The following HLA-DQB1 variants were observed in gnomAD, a reference collection of about 807,000 sequenced individuals.
The protein encoded by HLA-DQB1 is major histocompatibility complex, class II, DQ beta 1.
In HLA-DQB1, 13 loss-of-function variants were observed where a neutral mutation model predicts 26.4. The observed-to-expected ratio is 0.49, with a 90% confidence interval of 0.32 to 0.78. HLA-DQB1 has a LOEUF of 0.78. Among genes scored for constraint, HLA-DQB1 ranks in the 30% least tolerant of loss-of-function variants. HLA-DQB1 has a pLI of 0.03. For synonymous variants in HLA-DQB1, 60 were observed against 129.1 expected, an observed-to-expected ratio of 0.46 and a Z score of 3.63; for missense variants, 158 against 326.2, an observed-to-expected ratio of 0.48 and a Z score of 3.97.
chr6:32,662,151 G>A (rs281864116), exon 3 of HLA-DQB1: 2 of 1,436,346 alleles, frequency 1.4e-6, no homozygotes, highest in Admixed American at 2.1e-5. Flanking sequence ...ACCGGACTTT[G>A]ATCTGGCCTG....
At chr6:32,666,193 C>A (rs35567463) in intron 1 of HLA-DQB1, among the ~76,000 whole-genome samples, 26,698 of 150,024 alleles carry the variant, frequency 0.18, 2,564 homozygotes, top group South Asian at 0.22. Flanking sequence ...TGGAGAAATT[C>A]ATATCTTCAA....
exon 3 of HLA-DQB1, chr6:32,662,112 G>A (rs1049087): frequency 0.34 from 460,278 of 1,341,716 alleles, 117,541 homozygotes; most frequent in South Asian, 0.49. Context: ...ACACAACGCC[G>A]GCTGTCTCCT....
chr6:32,660,586 A>AAG (rs1321318532), intron 4 of HLA-DQB1: 10,849 of 384,634 alleles, frequency 0.028, 1,616 homozygotes, highest in East Asian at 0.2. Flanking sequence ...AGCCACCATC[A>AAG]TGTGGCACAA....
rs75769070 is a variant in HLA-DQB1 at position 32,664,980 on chromosome 6, C to G, written c.197G>C (p.Arg66Pro). The G allele has an allele frequency of 2.3e-5, 31 of 1,338,688 alleles. 3 individuals are homozygous for G. Among genetic ancestry groups the G allele is most frequent in the Non-Finnish European group, 3.1e-5 (29 of 949,252 alleles). 82.9% of individuals were successfully genotyped at this position (1,338,688 alleles called of 1,614,324 possible). ...GCTGTCGAAGCGCGCGTACTCCTCTCGGTTATAGATGTATCTGGTCACAAG... is the reference window on the plus strand; with the variant it reads ...GCTGTCGAAGCGCGCGTACTCCTCTGGGTTATAGATGTATCTGGTCACAAG... The change falls in exon 2 of 5, where the codon CGA (arginine) becomes CCA (proline). Residue 66 changes from arginine (R) to proline (P), a missense_variant. Arg to Pro is a moderately radical substitution (Grantham distance 103). Transcript: ENST00000434651.
At position 32,665,076 on chromosome 6, in the gene HLA-DQB1, A is replaced by AATC; in HGVS notation, c.110-12_110-10dup. 7.6e-7 allele frequency: 1 copy of AATC among 1,311,148 alleles called. No homozygotes were observed. Among genetic ancestry groups the AATC allele is most frequent in the Non-Finnish European group, 1.1e-6 (1 of 948,374 alleles). 81.2% of individuals were successfully genotyped at this position (1,311,148 alleles called of 1,614,324 possible). A position where few individuals can be genotyped will look rare whatever the true frequency, so the allele number is the denominator to read the frequency against. Reference sequence around the variant, plus strand: ...CTGGAACACGAAATCCTCTGCGGGGAATCACCGGCCGGTCAGTCAGGCCCC... The same window carrying AATC: ...CTGGAACACGAAATCCTCTGCGGGGAATCATCACCGGCCGGTCAGTCAGGCCCC... On this transcript the variant is annotated splice_polypyrimidine_tract_variant and intron_variant, in intron 1 of 4. Transcript: ENST00000434651.
intron 1 of HLA-DQB1, among the ~76,000 whole-genome samples, chr6:32,665,382 T>C (rs28746809): frequency 0.045 from 5,614 of 125,690 alleles, 470 homozygotes; most frequent in East Asian, 0.098. Context: ...GATCAGGGCG[T>C]TCTCGCATGA....
intron 1 of HLA-DQB1, among the ~76,000 whole-genome samples, chr6:32,666,230 A>G (rs3830059): frequency 0.19 from 28,227 of 145,954 alleles, 3,039 homozygotes; most frequent in East Asian, 0.34. Flanking sequence ...ACTTTGTCCT[A>G]TCGCTGGTAG....
At chr6:32,661,617 C>A (rs9273748) in intron 3 of HLA-DQB1, 160 bp from the exon 4 acceptor site, 50,360 of 463,928 alleles carry the variant, frequency 0.11, 10,596 homozygotes, top group Admixed American at 0.14. Flanking sequence ...GCCAATAGGT[C>A]CTTGGATACA....
chr6:32,661,001 G>T, intron 4 of HLA-DQB1: 1 of 629,672 alleles, frequency 1.6e-6, no homozygotes, highest in Non-Finnish European at 2.8e-6. Context: ...TGTTCTTCCA[G>T]GCCTTCAGCA....
At chr6:32,661,582 C>A in intron 3 of HLA-DQB1, 125 bp from the exon 4 acceptor site, 1 of 616,744 alleles carries the variant, frequency 1.6e-6, no homozygotes, top group Non-Finnish European at 2.6e-6. Context: ...TCCATTCAGA[C>A]CACCCCTAAG....
chr6:32,663,662 T>A (rs281874814), intron 2 of HLA-DQB1: 7 of 111,348 alleles, frequency 6.3e-5, no homozygotes, highest in Non-Finnish European at 1.4e-4. Flanking sequence ...AGCTGTGAGA[T>A]TAAATGACAT....
rs9273570 is a variant in HLA-DQB1, at chr6:32,661,258, G to A, written c.772+89C>T. ...TCCTCGCACTTCTTCTCAGGGTCAG[G>A]AGGAAAGAGCTAATCTACAGACAGG... is the stretch of plus-strand genomic sequence containing the variant. On this transcript the variant is annotated intron_variant, in intron 4 of 4. Coordinates refer to ENST00000434651, the Ensembl canonical transcript of HLA-DQB1. 5.3e-6 allele frequency: 3 copies of A among 567,426 alleles called. 1 individual carries two copies. The highest frequency in any genetic ancestry group is 4.3e-5 in the Admixed American group (1 of 23,192). The allele number at this position is 567,426 out of a possible 1,614,324, so 35.1% of individuals were successfully genotyped here.
At chr6:32,665,557 A>G (rs9274450) in intron 1 of HLA-DQB1, among the ~76,000 whole-genome samples, 84,187 of 120,492 alleles carry the variant, frequency 0.7, 33,267 homozygotes, top group South Asian at 0.87. Flanking sequence ...TCCCATGCCT[A>G]GATTTACCCT....
chr6:32,660,728 T>G (rs9273511), intron 4 of HLA-DQB1: 99,079 of 438,314 alleles, frequency 0.23, 18,330 homozygotes, highest in Admixed American at 0.35. Flanking sequence ...GGCAAACTTC[T>G]CCCCTAAGTC....
intron 4 of HLA-DQB1, chr6:32,660,794 C>T (rs9273523): frequency 0.043 from 36,553 of 850,230 alleles, 3,390 homozygotes; most frequent in Admixed American, 0.17. Flanking sequence ...GTCAGGTACA[C>T]TCAGCTCATG....
rs770326315 is a variant in HLA-DQB1 at position 32,665,112 on chromosome 6, C to CCCAGCCA, written c.110-46_110-45insTGGCTGG. Reference sequence around the variant, plus strand: ...GGTCAGTCAGGCCCCAGCCCGGCCGCCCCCGCAGCCGCCGCCCTGACCCGG... The same window carrying CCCAGCCA: ...GGTCAGTCAGGCCCCAGCCCGGCCGCCCAGCCACCCCGCAGCCGCCGCCCTGACCCGG... On this transcript the variant is annotated intron_variant, in intron 1 of 4. Coordinates refer to ENST00000434651, the Ensembl canonical transcript of HLA-DQB1. The CCCAGCCA allele has an allele frequency of 2.0e-6, 2 of 1,021,106 alleles. 1 individual carries two copies. The highest frequency in any genetic ancestry group is 3.5e-5 in the South Asian group (2 of 56,902). The allele number at this position is 1,021,106 out of a possible 1,614,324, so 63.3% of individuals were successfully genotyped here. A position where few individuals can be genotyped will look rare whatever the true frequency, so the allele number is the denominator to read the frequency against.
chr6:32,665,696 C>T (rs1165784634), intron 1 of HLA-DQB1, among the ~76,000 whole-genome samples: 2 of 135,186 alleles, frequency 1.5e-5, no homozygotes, highest in Non-Finnish European at 3.2e-5. Context: ...TCCAATTAAA[C>T]TGTGGCAGTC....
At chr6:32,663,414 CG>C (rs1554167411) in intron 2 of HLA-DQB1, 1 of 131,978 alleles carries the variant, frequency 7.6e-6, no homozygotes, top group Non-Finnish European at 1.7e-5. Context: ...TTTTCAATGC[CG>C]CATTAACACA....
At chr6:32,662,010 G>A (rs281864130) in exon 3 of HLA-DQB1, 42 of 1,537,716 alleles carry the variant, frequency 2.7e-5, no homozygotes, top group South Asian at 3.4e-5. Context: ...GGTGCTCCAC[G>A]TGGCAGGTGT....
Sources: gnomAD v4.1 joint callset for allele counts (sites outside exome capture counted in the v4.1 genomes callset) on GRCh38, gnomAD v4.1.1 for gene constraint, MANE v1.5 for transcripts, NCBI Gene and HGNC (gene_info 2026-07-23, HGNC 2026-07-21) for gene names.